Variants in CREBBP observed in about 807,000 individuals in gnomAD.
CREBBP encodes CREB-binding protein.
Under a neutral mutation model 265.0 loss-of-function variants are expected in CREBBP, and 19 were observed. The observed-to-expected ratio is 0.07, with a 90% CI of 0.05 to 0.11. The LOEUF (loss-of-function observed/expected upper bound fraction) is 0.11, where lower values mean the gene tolerates loss of function less well. Among genes scored for constraint, CREBBP ranks in the 10% least tolerant of loss-of-function variants. The probability of loss-of-function intolerance (pLI) is 1.00; values close to 1 mark genes in which losing one functional copy is unlikely to be tolerated. For missense variants in CREBBP, 2,525 were observed against 3,219.0 expected (o/e 0.78, Z 5.22); for synonymous variants, 1,457 against 1,223.7 (o/e 1.19, Z -3.98).
intron 1 of CREBBP, among the ~76,000 whole-genome samples, chr16:3,876,724 C>A (rs945776395): frequency 6.6e-6 from 1 of 152,136 alleles, no homozygotes; most frequent in Non-Finnish European, 1.5e-5. Context: ...CTCTCCAGGG[C>A]TGCTGCTTCA....
chr16:3,858,447 C>A (rs928905230), intron 1 of CREBBP, among the ~76,000 whole-genome samples: 1 of 152,182 alleles, frequency 6.6e-6, no homozygotes, highest in Non-Finnish European at 1.5e-5. Flanking sequence ...CTTTTATGCT[C>A]CTACAGACAC....
At chr16:3,812,081 G>C (rs2053949547) in intron 2 of CREBBP, among the ~76,000 whole-genome samples, 1 of 152,100 alleles carries the variant, frequency 6.6e-6, no homozygotes. Context: ...TAGATGGAGA[G>C]AGCCTGGTAA....
At position 3,731,119 on chromosome 16, in the gene CREBBP, C is replaced by T. The variant is rs2151315373; in HGVS notation, c.5172+73G>A. 1 of 1,514,682 alleles carries T rather than the reference C, an allele frequency of 6.6e-7. No individual in the cohort carries two copies. The highest frequency in any genetic ancestry group is 1.4e-5 in the African/African-American group (1 of 73,436). The allele number at this position is 1,514,682 out of a possible 1,614,324, so 93.8% of individuals were successfully genotyped here. A position where few individuals can be genotyped will look rare whatever the true frequency, so the allele number is the denominator to read the frequency against. On this transcript the variant is annotated intron_variant, in intron 30 of 30. Coordinates refer to ENST00000262367, the MANE Select transcript of CREBBP (RefSeq NM_004380.3). This position sits in a 1 kb window ranked among gnomAD's most constrained non-coding sequence, Gnocchi z 7.7. ...TCAGGTACAGACACCAACCCGGGCA[C>T]CCATGCAAAGGGACAGGATGCTTCG...
chr16:3,839,284 G>C (rs542737121), intron 2 of CREBBP, among the ~76,000 whole-genome samples: 8 of 152,364 alleles, frequency 5.3e-5, no homozygotes, highest in African/African-American at 1.9e-4. Context: ...AGTCTGAGCT[G>C]CCGCTATTAC....
chr16:3,852,460 C>T (rs1052074260), intron 1 of CREBBP, among the ~76,000 whole-genome samples: 4 of 151,974 alleles, frequency 2.6e-5, no homozygotes, highest in African/African-American at 7.3e-5. Context: ...TGTGAGCCAC[C>T]GTGCCCGGCC....
rs1007251017 is a variant in CREBBP, at chr16:3,735,912, C to T, written c.4728+124G>A. ...CGCCCTGTGCTGCAGGTGGTGTCGA[C>T]GTGCATGTGTGAACGGAGACACCAC... is the stretch of plus-strand genomic sequence containing the variant. On this transcript the variant is annotated intron_variant, in intron 28 of 30. Coordinates refer to ENST00000262367, the MANE Select transcript of CREBBP (RefSeq NM_004380.3). 2.1e-5 allele frequency: 32 copies of T among 1,496,624 alleles called. No individual in the cohort carries two copies. The African/African-American group carries it at 2.5e-4, about 12-fold the overall frequency. 92.7% of individuals were successfully genotyped at this position (1,496,624 alleles called of 1,614,324 possible).
At position 3,850,723 on chromosome 16, in the gene CREBBP, G is replaced by A. The variant is rs753386634; in HGVS notation, c.372C>T (p.Ser124=). ...SLSAMGKSPL[S]QGDSSAPSLP... ...GGCTGGGGGCTGAAGAATCTCCCTG[G>A]CTCAGAGGGCTCTTGCCCATGGCAC... Residue 124 remains serine, a synonymous_variant, in exon 2 of 31, where the codon AGC becomes AGT. Transcript: ENST00000262367. 2 of 1,614,058 alleles carry A rather than the reference G, an allele frequency of 1.2e-6. No individual in the cohort carries two copies. The highest frequency in any genetic ancestry group is 2.2e-5 in the East Asian group (1 of 44,882).
At chr16:3,765,224 C>T (rs1053111916) in intron 16 of CREBBP, among the ~76,000 whole-genome samples, 13 of 152,216 alleles carry the variant, frequency 8.5e-5, no homozygotes, top group Admixed American at 8.5e-4. Flanking sequence ...GATCTGCCTG[C>T]CTTGGCCTCC....
intron 2 of CREBBP, among the ~76,000 whole-genome samples, chr16:3,843,715 C>T (rs756365675): frequency 1.2e-4 from 19 of 152,040 alleles, no homozygotes; most frequent in South Asian, 4.2e-4. Context: ...CCACCACGCC[C>T]GGCACTATTG....
At chr16:3,845,498 A>G (rs917857072) in intron 2 of CREBBP, among the ~76,000 whole-genome samples, 1 of 152,238 alleles carries the variant, frequency 6.6e-6, no homozygotes, top group African/African-American at 2.4e-5. Context: ...GATTACCAAT[A>G]CTAAATAAAT....
At chr16:3,730,900 G>C (rs1396535248) in intron 30 of CREBBP, among the ~76,000 whole-genome samples, 4 of 152,244 alleles carry the variant, frequency 2.6e-5, no homozygotes, top group Non-Finnish European at 5.9e-5. Flanking sequence ...AGGACAGCGG[G>C]TGTTTCCAGC....
intron 3 of CREBBP, among the ~76,000 whole-genome samples, chr16:3,795,455 C>T (rs888781998): frequency 2.0e-5 from 3 of 152,056 alleles, no homozygotes; most frequent in Non-Finnish European, 1.5e-5. Flanking sequence ...CTGCAACACA[C>T]ATGTTTTGCT....
At chr16:3,855,511 CGCCT>C (rs2054942750) in intron 1 of CREBBP, among the ~76,000 whole-genome samples, 2 of 152,160 alleles carry the variant, frequency 1.3e-5, no homozygotes, top group Non-Finnish European at 2.9e-5. Flanking sequence ...GTGATCCGCC[CGCCT>C]AAGCCTCCCA....
chr16:3,870,334 A>G (rs1427603810), intron 1 of CREBBP, among the ~76,000 whole-genome samples: 1 of 152,172 alleles, frequency 6.6e-6, no homozygotes, highest in East Asian at 1.9e-4. Flanking sequence ...CTTTCAACCA[A>G]CCTGACTAAA....
At chr16:3,856,492 AT>A (rs959763695) in intron 1 of CREBBP, among the ~76,000 whole-genome samples, 55 of 151,306 alleles carry the variant, frequency 3.6e-4, no homozygotes, top group African/African-American at 2.2e-4. Context: ...AATTAAAAAA[AT>A]TTTTTTTTGT....
At chr16:3,783,454 C>T (rs1486184877) in intron 5 of CREBBP, among the ~76,000 whole-genome samples, 1 of 152,216 alleles carries the variant, frequency 6.6e-6, no homozygotes, top group Non-Finnish European at 1.5e-5. Flanking sequence ...TGTGCTCTTC[C>T]AAATCACATA....
intron 1 of CREBBP, among the ~76,000 whole-genome samples, chr16:3,871,679 T>C (rs963117792): frequency 6.6e-6 from 1 of 152,224 alleles, no homozygotes; most frequent in Non-Finnish European, 1.5e-5. Flanking sequence ...AAAACATGTT[T>C]AGGTGGTGCA....
intron 7 of CREBBP, 33 bp downstream of exon 7, chr16:3,781,171 G>T (rs2053265368): frequency 6.4e-7 from 1 of 1,561,816 alleles, no homozygotes; most frequent in Non-Finnish European, 8.8e-7. Flanking sequence ...TGCTCCTGTT[G>T]GACTGTCACT....
intron 1 of CREBBP, among the ~76,000 whole-genome samples, chr16:3,868,770 CT>C (rs2055232013): frequency 6.6e-6 from 1 of 152,158 alleles, no homozygotes; most frequent in African/African-American, 2.4e-5. Flanking sequence ...CACGGGACTG[CT>C]CACCCACCAC....
Sources: gnomAD v4.1 joint callset for allele counts (sites outside exome capture counted in the v4.1 genomes callset) on GRCh38, gnomAD v4.1.1 for gene constraint, Gnocchi (gnomAD v3.1) non-coding constraint, MANE v1.5 for transcripts, NCBI Gene and HGNC (gene_info 2026-07-23, HGNC 2026-07-21) for gene names.